Variants in LRRC37A2 observed in about 807,000 individuals in gnomAD.
LRRC37A2 encodes the protein leucine-rich repeat-containing protein 37A2.
A neutral mutation model predicts 68.8 loss-of-function variants in LRRC37A2; 9 were observed. The observed-to-expected ratio is 0.13, with a 90% confidence interval of 0.08 to 0.23. LRRC37A2 has a LOEUF of 0.23. Ranked by LOEUF, LRRC37A2 falls within the 10% of genes least tolerant of loss-of-function variation. LRRC37A2 has a pLI of 1.00. For missense variants in LRRC37A2, 168 were observed against 950.4 expected, an observed-to-expected ratio of 0.18 and a Z score of 10.82; for synonymous variants, 63 against 367.6, an observed-to-expected ratio of 0.17 and a Z score of 9.48.
At chr17:46,777,326 C>T in the LRRC37A2 span, among the ~76,000 whole-genome samples, 28 of 152,242 alleles carry the variant, frequency 1.8e-4, no homozygotes, top group Non-Finnish European at 2.8e-4. Context: ...ACTGAGGAGT[C>T]GGGGGGCCCA....
At chr17:46,772,085 G>A in the LRRC37A2 span, among the ~76,000 whole-genome samples, 1 of 152,080 alleles carries the variant, frequency 6.6e-6, no homozygotes, top group Non-Finnish European at 1.5e-5. Context: ...GCGGTGGTGT[G>A]GGGACTCGCC....
At chr17:47,018,715 A>G in the LRRC37A2 span, 1 of 1,520,614 alleles carries the variant, frequency 6.6e-7, no homozygotes, top group Non-Finnish European at 9.1e-7. Flanking sequence ...ACCGCTGAGG[A>G]GGGTGAATCT....
the LRRC37A2 span, chr17:46,952,655 TA>T: frequency 2.0e-5 from 3 of 152,206 alleles, no homozygotes; most frequent in East Asian, 5.8e-4. Flanking sequence ...TGAAGGCTTT[TA>T]TTCCAGCTAT....
At chr17:46,856,122 C>T in the LRRC37A2 span, among the ~76,000 whole-genome samples, 1 of 152,202 alleles carries the variant, frequency 6.6e-6, no homozygotes, top group African/African-American at 2.4e-5. Flanking sequence ...GAGTTTCTTT[C>T]CTCTCTAGGG....
At chr17:46,680,446 C>A in the LRRC37A2 span, among the ~76,000 whole-genome samples, 4 of 151,582 alleles carry the variant, frequency 2.6e-5, no homozygotes, top group African/African-American at 4.9e-5. Flanking sequence ...TCACAGCATA[C>A]AAAATTGCAA....
the LRRC37A2 span, among the ~76,000 whole-genome samples, chr17:46,774,114 G>T: frequency 1.3e-5 from 2 of 152,260 alleles, no homozygotes; most frequent in Non-Finnish European, 2.9e-5. Context: ...CCCTCTGGCT[G>T]CATCCAGCTT....
At chr17:46,855,678 G>A in the LRRC37A2 span, among the ~76,000 whole-genome samples, 1 of 152,168 alleles carries the variant, frequency 6.6e-6, no homozygotes, top group African/African-American at 2.4e-5. Flanking sequence ...CACAAGACAG[G>A]CCCAGTTACC....
At chr17:46,935,861 C>T in the LRRC37A2 span, 11 of 986,120 alleles carry the variant, frequency 1.1e-5, no homozygotes, top group African/African-American at 1.7e-5. Flanking sequence ...CCTGTATCAA[C>T]CCTGATGGAT....
the LRRC37A2 span, among the ~76,000 whole-genome samples, chr17:46,456,224 G>T: frequency 8.8e-6 from 1 of 113,914 alleles, no homozygotes; most frequent in Non-Finnish European, 2.0e-5. Context: ...GTGTGTGTGT[G>T]TGTGTGTGTG....
chr17:46,926,210 G>A, the LRRC37A2 span, among the ~76,000 whole-genome samples: 3 of 152,112 alleles, frequency 2.0e-5, no homozygotes, highest in South Asian at 2.1e-4. Context: ...TTTAATGAGC[G>A]AAATGTAAAG....
chr17:46,789,404 C>A, the LRRC37A2 span, among the ~76,000 whole-genome samples: 1 of 152,188 alleles, frequency 6.6e-6, no homozygotes, highest in African/African-American at 2.4e-5. Context: ...GACACCCAGG[C>A]TCCAACACCA....
At chr17:46,769,981 G>A in the LRRC37A2 span, 3 of 1,609,800 alleles carry the variant, frequency 1.9e-6, no homozygotes, top group Non-Finnish European at 2.5e-6. Flanking sequence ...CCTCGGCGCA[G>A]GAGCGGGTGA....
the LRRC37A2 span, among the ~76,000 whole-genome samples, chr17:46,875,555 C>T: frequency 6.6e-6 from 1 of 152,194 alleles, no homozygotes; most frequent in African/African-American, 2.4e-5. Flanking sequence ...GACTGGGTGC[C>T]AGGAACACAG....
chr17:47,033,250 A>AG, the LRRC37A2 span: 1 of 591,676 alleles, frequency 1.7e-6, no homozygotes, highest in Non-Finnish European at 3.0e-6. Flanking sequence ...AAAAAAAAAA[A>AG]GAAAGAAAGA....
the LRRC37A2 span, among the ~76,000 whole-genome samples, chr17:46,976,512 A>C: frequency 6.6e-6 from 1 of 151,964 alleles, no homozygotes; most frequent in Non-Finnish European, 1.5e-5. Context: ...GCGCCACTGC[A>C]CTCCAGCCTG....
the LRRC37A2 span, among the ~76,000 whole-genome samples, chr17:46,847,703 T>G: frequency 6.6e-6 from 1 of 152,180 alleles, no homozygotes; most frequent in African/African-American, 2.4e-5. Context: ...TTCCACTTCC[T>G]GTTGGGTCCA....
the LRRC37A2 span, among the ~76,000 whole-genome samples, chr17:47,034,378 C>A: frequency 6.6e-6 from 1 of 151,992 alleles, no homozygotes; most frequent in Non-Finnish European, 1.5e-5. Flanking sequence ...ATCGAATGGC[C>A]CTACATTTTG....
At chr17:46,773,642 C>G in the LRRC37A2 span, 3 of 861,692 alleles carry the variant, frequency 3.5e-6, no homozygotes, top group African/African-American at 1.8e-5. Flanking sequence ...CCAGCCCCTC[C>G]CCCCCCCTCA....
the LRRC37A2 span, among the ~76,000 whole-genome samples, chr17:46,500,587 A>C: frequency 6.6e-6 from 1 of 150,770 alleles, no homozygotes. Flanking sequence ...AGATTGTGAG[A>C]AACTGCAGAT....
Sources: gnomAD v4.1 joint callset for allele counts (sites outside exome capture counted in the v4.1 genomes callset) on GRCh38, gnomAD v4.1.1 for gene constraint, MANE v1.5 for transcripts, NCBI Gene and HGNC (gene_info 2026-07-23, HGNC 2026-07-21) for gene names.